Variants in GSK3B observed in about 807,000 individuals in gnomAD.
The protein encoded by GSK3B is glycogen synthase kinase-3 beta.
In GSK3B, 15 loss-of-function variants were observed where a neutral mutation model predicts 56.4. That is an observed-to-expected ratio of 0.27 (90% CI 0.18 to 0.41). The LOEUF is 0.41. GSK3B is among the 10% of genes least tolerant of loss of function. The pLI is 1.00. For synonymous variants in GSK3B, 181 were observed against 188.9 expected, an observed-to-expected ratio of 0.96 and a Z score of 0.34; for missense variants, 300 against 513.4, an observed-to-expected ratio of 0.58 and a Z score of 4.02.
At chr3:119,904,314 A>G (rs996884314) in intron 7 of GSK3B, among the ~76,000 whole-genome samples, 6 of 152,170 alleles carry the variant, frequency 3.9e-5, no homozygotes, top group Non-Finnish European at 7.3e-5. Context: ...AAAATAAAGA[A>G]AGCAAACTAT....
intron 1 of GSK3B, among the ~76,000 whole-genome samples, chr3:120,074,251 C>T (rs2058350298): frequency 6.6e-6 from 1 of 150,726 alleles, no homozygotes; most frequent in Non-Finnish European, 1.5e-5. Flanking sequence ...AGTGAATGTA[C>T]ATCGCACCAC....
intron 3 of GSK3B, among the ~76,000 whole-genome samples, chr3:119,932,055 T>C (rs2056950941): frequency 6.6e-6 from 1 of 152,226 alleles, no homozygotes; most frequent in African/African-American, 2.4e-5. Context: ...ATCCTACCTT[T>C]GGAAAACACA....
intron 9 of GSK3B, among the ~76,000 whole-genome samples, chr3:119,851,595 C>G (rs964022075): frequency 2.0e-5 from 3 of 152,164 alleles, no homozygotes; most frequent in African/African-American, 7.2e-5. Flanking sequence ...TAGATCTCCT[C>G]TTACAGTGAT....
At chr3:119,828,571 A>G (rs1165460464) in intron 10 of GSK3B, among the ~76,000 whole-genome samples, 2 of 152,180 alleles carry the variant, frequency 1.3e-5, no homozygotes, top group Non-Finnish European at 2.9e-5. Flanking sequence ...ACCATGTGCT[A>G]TGGTGAGTAG....
At chr3:119,973,485 C>A (rs115281970) in intron 2 of GSK3B, among the ~76,000 whole-genome samples, 394 of 152,278 alleles carry the variant, frequency 2.6e-3, no homozygotes, top group African/African-American at 8.4e-3. Flanking sequence ...TCATTCACAG[C>A]AGATTATTCT....
chr3:120,015,649 CAAAAAAAAAAAAAAA>C (rs61520236), intron 1 of GSK3B, among the ~76,000 whole-genome samples: 15 of 46,950 alleles, frequency 3.2e-4, no homozygotes, highest in East Asian at 7.9e-4. Flanking sequence ...GACTCTGTCT[CAAAAAAAAAAAAAAA>C]AAAAAAAAAA....
chr3:119,933,678 C>A (rs1430487799), intron 3 of GSK3B, among the ~76,000 whole-genome samples: 1 of 151,776 alleles, frequency 6.6e-6, no homozygotes, highest in African/African-American at 2.4e-5. Context: ...GGAGTTCGAG[C>A]CAAGCCTGGC....
chr3:119,915,998 G>A, intron 5 of GSK3B, 46 bp downstream of exon 5: 1 of 1,341,600 alleles, frequency 7.5e-7, no homozygotes. Context: ...GATAGTAGGG[G>A]GAGGAGGGGA....
At chr3:119,914,566 A>G (rs79271247) in intron 5 of GSK3B, among the ~76,000 whole-genome samples, 1 of 152,040 alleles carries the variant, frequency 6.6e-6, no homozygotes, top group African/African-American at 2.4e-5. Flanking sequence ...TCCTATAGAC[A>G]AGTAGTAGTG....
At chr3:120,058,386 C>G (rs764115640) in intron 1 of GSK3B, among the ~76,000 whole-genome samples, 25 of 152,242 alleles carry the variant, frequency 1.6e-4, no homozygotes, top group Admixed American at 1.3e-3. Context: ...TTTATTCGTA[C>G]AGCCAGTCTC....
intron 7 of GSK3B, among the ~76,000 whole-genome samples, chr3:119,891,444 G>A (rs2056500964): frequency 6.6e-6 from 1 of 151,922 alleles, no homozygotes; most frequent in Admixed American, 6.6e-5. Context: ...TTTTTATTAG[G>A]TTCAGAGTAT....
At chr3:119,959,180 C>T (rs995287529) in intron 2 of GSK3B, among the ~76,000 whole-genome samples, 3 of 152,154 alleles carry the variant, frequency 2.0e-5, no homozygotes, top group African/African-American at 7.2e-5. Flanking sequence ...TTTTTAAACA[C>T]TGAAGTAGCC....
chr3:119,967,220 G>A (rs1367449484), intron 2 of GSK3B, among the ~76,000 whole-genome samples: 2 of 152,108 alleles, frequency 1.3e-5, no homozygotes, highest in African/African-American at 4.8e-5. Flanking sequence ...TGGGACTACA[G>A]GCGTGTGCCA....
chr3:120,015,652 A>C (rs1417520127), intron 1 of GSK3B, among the ~76,000 whole-genome samples: 1 of 64,804 alleles, frequency 1.5e-5, no homozygotes, highest in Non-Finnish European at 2.6e-5. Flanking sequence ...TCTGTCTCAA[A>C]AAAAAAAAAA....
At chr3:119,917,946 GCTTTATGTGTATTATTTCACTTACTC>G (rs1476024138) in intron 4 of GSK3B, among the ~76,000 whole-genome samples, 1 of 151,922 alleles carries the variant, frequency 6.6e-6, no homozygotes, top group Non-Finnish European at 1.5e-5. Context: ...TGTTCTAACT[GCTTTATGTGTATTATTTCACTTACTC>G]CTTATAATAA....
At chr3:119,970,317 C>T (rs1409635918) in intron 2 of GSK3B, among the ~76,000 whole-genome samples, 4 of 151,992 alleles carry the variant, frequency 2.6e-5, no homozygotes, top group East Asian at 1.9e-4. Context: ...AGACAATATA[C>T]GGATGGCAAA....
intron 9 of GSK3B, among the ~76,000 whole-genome samples, chr3:119,850,350 A>G (rs2055913104): frequency 6.6e-6 from 1 of 152,170 alleles, no homozygotes; most frequent in Admixed American, 6.6e-5. Context: ...TCTACACCCC[A>G]TTGTTCTTCT....
intron 1 of GSK3B, among the ~76,000 whole-genome samples, chr3:120,085,503 G>GAT (rs1210242267): frequency 6.6e-6 from 1 of 152,188 alleles, no homozygotes; most frequent in African/African-American, 2.4e-5. Context: ...CTTCAACACA[G>GAT]GTCATGAAGA....
At position 119,923,376 on chromosome 3, in the gene GSK3B, G is replaced by C; in HGVS notation, c.474C>G (p.Val158=). The change falls in exon 4 of 11, where the codon GTC becomes GTG. Residue 158 remains valine (V), a synonymous_variant. Transcript: ENST00000264235. The stretch of plus-strand genomic sequence containing the variant: ...AAATTGTTATGTTTTTACATACCTT[G>C]ACATAAATCACAGGGAGCGTCTGTT... ...RAKQTLPVIY[V]KLYMYQLFRS... 2 of 1,505,308 alleles carry C rather than the reference G, an allele frequency of 1.3e-6. No homozygotes were observed. The highest frequency in any genetic ancestry group is 1.8e-6 in the Non-Finnish European group (2 of 1,083,740). 93.2% of individuals were successfully genotyped at this position (1,505,308 alleles called of 1,614,324 possible).
Sources: gnomAD v4.1 joint callset for allele counts (sites outside exome capture counted in the v4.1 genomes callset) on GRCh38, gnomAD v4.1.1 for gene constraint, MANE v1.5 for transcripts, NCBI Gene and HGNC (gene_info 2026-07-23, HGNC 2026-07-21) for gene names.